Variants in ATP6V0A4 observed in about 807,000 individuals in gnomAD.
The protein encoded by ATP6V0A4 is V-type proton ATPase 116 kDa subunit a 4.
A neutral mutation model predicts 107.3 loss-of-function variants in ATP6V0A4; 86 were observed. The observed-to-expected ratio is 0.80, with a 90% CI of 0.67 to 0.96. The LOEUF (loss-of-function observed/expected upper bound fraction) is 0.96, where lower values mean the gene tolerates loss of function less well. Among genes scored for constraint, ATP6V0A4 ranks in the 40% least tolerant of loss-of-function variants. The probability of loss-of-function intolerance (pLI) is 0.00; values close to 1 mark genes in which losing one functional copy is unlikely to be tolerated. For synonymous variants in ATP6V0A4, 353 were observed against 381.4 expected (o/e 0.93, Z 0.87); for missense variants, 908 against 1,045.6 (o/e 0.87, Z 1.81).
At position 138,745,230 on chromosome 7, in the gene ATP6V0A4, G is replaced by A. The variant is rs1479573326; in HGVS notation, c.1371C>T (p.Ile457=). 6.2e-7 allele frequency: 1 copy of A among 1,614,110 alleles called. No individual in the cohort carries two copies. The highest frequency in any genetic ancestry group is 8.5e-7 in the Non-Finnish European group (1 of 1,179,998). ...HGRYLILLMG[I]FSIYTGLIYN... ...AGATCAAACCCGTGTAGATGGAGAA[G>A]ATGCCCATAAGTAGGATCAGATAGC... The change falls in exon 14 of 22, where the codon ATC becomes ATT. Residue 457 remains isoleucine (I), a synonymous_variant. Coordinates refer to ENST00000310018, the MANE Select transcript of ATP6V0A4 (RefSeq NM_020632.3).
chr7:138,710,507 A>G (rs953862493), intron 20 of ATP6V0A4, among the ~76,000 whole-genome samples: 2 of 152,336 alleles, frequency 1.3e-5, no homozygotes, highest in South Asian at 4.1e-4. Flanking sequence ...TTCTTTGACC[A>G]GGAAGTGGTT....
intron 19 of ATP6V0A4, among the ~76,000 whole-genome samples, chr7:138,719,632 T>C (rs919060093): frequency 3.9e-5 from 6 of 152,226 alleles, no homozygotes; most frequent in African/African-American, 1.4e-4. Context: ...GGGACAGTAA[T>C]GTGCCTCCAA....
At chr7:138,787,599 C>A (rs1165449441) in intron 1 of ATP6V0A4, among the ~76,000 whole-genome samples, 1 of 152,010 alleles carries the variant, frequency 6.6e-6, no homozygotes, top group Non-Finnish European at 1.5e-5. Flanking sequence ...CTGTAATACA[C>A]TGTGATTGCA....
rs1455906877 is a variant in ATP6V0A4, at chr7:138,707,071, T to TGTGTGTGTGTGTGTGTGC, written c.2430-355_2430-354insGCACACACACACACACAC. Reference sequence around the variant, plus strand: ...CCACCATGCCTAGCTAATTTATATGTGTGTGTGTGTGTGTGTGTGTGTATA... The same window carrying TGTGTGTGTGTGTGTGTGC: ...CCACCATGCCTAGCTAATTTATATGTGTGTGTGTGTGTGTGTGCGTGTGTGTGTGTGTGTGTGTGTATA... On this transcript the variant is annotated intron_variant, in intron 21 of 21. Coordinates refer to ENST00000310018, the MANE Select transcript of ATP6V0A4 (RefSeq NM_020632.3). Among the ~76,000 whole-genome samples the TGTGTGTGTGTGTGTGTGC allele has an allele frequency of 7.6e-4, 82 of 108,316 alleles. 3 individuals carry two copies. The highest frequency in any genetic ancestry group is 3.0e-3 in the African/African-American group (80 of 26,448). 71.1% of individuals were successfully genotyped at this position (108,316 alleles called of 152,430 possible).
intron 21 of ATP6V0A4, 61 bp downstream of exon 21, chr7:138,709,563 C>A: frequency 6.5e-7 from 1 of 1,533,580 alleles, no homozygotes; most frequent in Non-Finnish European, 9.0e-7. Context: ...AGTCGGCTGG[C>A]CCCACAGCCC....
chr7:138,774,710 A>AT (rs1355152844), intron 2 of ATP6V0A4, among the ~76,000 whole-genome samples: 3 of 58,506 alleles, frequency 5.1e-5, no homozygotes, highest in Admixed American at 5.0e-4. Context: ...ATACGTGTGT[A>AT]TATATGTGTG....
intron 6 of ATP6V0A4, 125 bp from the exon 7 acceptor site, chr7:138,762,559 C>A: frequency 6.6e-7 from 1 of 1,509,786 alleles, no homozygotes; most frequent in South Asian, 1.2e-5. Flanking sequence ...TAACAGAAGT[C>A]AGAAAACAGA....
In ATP6V0A4 at chr7:138,771,906, C is replaced by CCA. The variant is rs543696644; in HGVS notation, c.-17-644_-17-643dup. Among the ~76,000 whole-genome samples, 525 of 152,144 alleles carry CCA rather than the reference C, an allele frequency of 3.5e-3. 6 individuals are homozygous for CCA. Among genetic ancestry groups the CCA allele is most frequent in the African/African-American group, 0.012 (507 of 41,500 alleles). On this transcript the variant is annotated intron_variant, in intron 2 of 21. Transcript: ENST00000310018. The stretch of plus-strand genomic sequence containing the variant: ...AAAGTGCTGGGATTACAGGCATGAG[C>CCA]CACTGCTCTCAGCTGGCAAAATATT...
chr7:138,778,333 C>T (rs966197590), intron 2 of ATP6V0A4, among the ~76,000 whole-genome samples: 3 of 151,620 alleles, frequency 2.0e-5, no homozygotes, highest in Non-Finnish European at 4.4e-5. Flanking sequence ...TGCACTCCAG[C>T]CTGGGCAACA....
intron 19 of ATP6V0A4, among the ~76,000 whole-genome samples, chr7:138,720,002 G>A (rs1804351379): frequency 6.6e-6 from 1 of 150,862 alleles, no homozygotes; most frequent in African/African-American, 2.5e-5. Flanking sequence ...TCCAGCCTGG[G>A]CAATAGGGCA....
rs757055329 is a variant in ATP6V0A4 at position 138,752,817 on chromosome 7, A to G, written c.837T>C (p.Ser279=). 3 of 1,613,990 alleles carry G rather than the reference A, an allele frequency of 1.9e-6. No homozygotes were observed. The highest frequency in any genetic ancestry group is 2.7e-5 in the African/African-American group (2 of 74,934). ...CTTCCTGCAGCAGGCGCTGGCGGTG[A>G]GACTCTGTTTGTGTTATGACCTATA... The part of the protein sequence containing the change: ...DLITVITQTE[S]HRQRLLQEAA... The change falls in exon 11 of 22, where the codon TCT becomes TCC. Residue 279 remains serine, a synonymous_variant. Coordinates refer to ENST00000310018, the MANE Select transcript of ATP6V0A4 (RefSeq NM_020632.3).
chr7:138,757,127 C>A (rs73463929), intron 8 of ATP6V0A4, among the ~76,000 whole-genome samples: 2,202 of 152,292 alleles, frequency 0.014, 51 homozygotes, highest in African/African-American at 0.048. Context: ...CACAAGCAGA[C>A]ATGCAAATGT....
intron 20 of ATP6V0A4, among the ~76,000 whole-genome samples, chr7:138,714,238 G>GAA (rs34018116): frequency 0.17 from 21,496 of 126,684 alleles, 2,388 homozygotes; most frequent in African/African-American, 0.31. Context: ...CCTGTCTTAG[G>GAA]AAAAAAAAAA....
intron 1 of ATP6V0A4, among the ~76,000 whole-genome samples, chr7:138,789,211 T>A (rs1201760370): frequency 2.3e-5 from 1 of 43,136 alleles, no homozygotes; most frequent in Non-Finnish European, 4.8e-5. Flanking sequence ...AAGGTTAAGG[T>A]TTTTTGGGGG....
chr7:138,714,238 G>GA (rs34018116), intron 20 of ATP6V0A4, among the ~76,000 whole-genome samples: 68,535 of 126,782 alleles, frequency 0.54, 18,800 homozygotes, highest in East Asian at 0.73. Flanking sequence ...CCTGTCTTAG[G>GA]AAAAAAAAAA....
In ATP6V0A4 at chr7:138,706,643, T is replaced by A; in HGVS notation, c.2504A>T (p.Asp835Val). The change falls in exon 22 of 22, where the codon GAT becomes GTT. Residue 835 changes from aspartate to valine, a missense_variant. Transcript: ENST00000310018. ...CTCAGCCTACTCCTCGGCTGTGCCA[T>A]CCAGGATGTGTTTAAAGGAGAATGG... ...FSPFSFKHIL[D>V]GTAEE The A allele has an allele frequency of 6.2e-7, 1 of 1,613,980 alleles. No homozygotes were observed. The highest frequency in any genetic ancestry group is 8.5e-7 in the Non-Finnish European group (1 of 1,179,950).
chr7:138,734,279 C>T, intron 15 of ATP6V0A4, 25 bp from the exon 16 acceptor site: 1 of 1,612,016 alleles, frequency 6.2e-7, no homozygotes, highest in Non-Finnish European at 8.5e-7. Flanking sequence ...GGACAAAAAA[C>T]CAAGTGAGAG....
chr7:138,769,902 A>T (rs147370902), intron 3 of ATP6V0A4, among the ~76,000 whole-genome samples: 168 of 152,050 alleles, frequency 1.1e-3, no homozygotes, highest in African/African-American at 3.8e-3. Context: ...ACATAATGAG[A>T]CCTCATCTCT....
At chr7:138,787,786 C>T (rs1808235805) in intron 1 of ATP6V0A4, among the ~76,000 whole-genome samples, 1 of 152,042 alleles carries the variant, frequency 6.6e-6, no homozygotes, top group Non-Finnish European at 1.5e-5. Context: ...TCGCTTGAGC[C>T]CAGGAGTTTG....
Sources: gnomAD v4.1 joint callset for allele counts (sites outside exome capture counted in the v4.1 genomes callset) on GRCh38, gnomAD v4.1.1 for gene constraint, MANE v1.5 for transcripts, NCBI Gene and HGNC (gene_info 2026-07-23, HGNC 2026-07-21) for gene names.